Variants in ZFP91 observed in about 807,000 individuals in gnomAD.
The protein encoded by ZFP91 is E3 ubiquitin-protein ligase ZFP91.
In ZFP91, 7 loss-of-function variants were observed where a neutral mutation model predicts 63.5. The ratio of observed to expected loss-of-function variants is 0.11; its 90% confidence interval spans 0.06 to 0.21. ZFP91 has a LOEUF of 0.21. Ranked by LOEUF, ZFP91 falls within the 10% of genes least tolerant of loss-of-function variation. The pLI is 1.00. For missense variants in ZFP91, 628 were observed against 736.6 expected, an observed-to-expected ratio of 0.85 and a Z score of 1.71; for synonymous variants, 330 against 272.1, an observed-to-expected ratio of 1.21 and a Z score of -2.10.
At chr11:58,612,502 C>A in intron 7 of ZFP91, 174 bp downstream of exon 7, 1 of 662,620 alleles carries the variant, frequency 1.5e-6, no homozygotes, top group Non-Finnish European at 2.6e-6. Flanking sequence ...ATTGTAAGAG[C>A]TTGAAATTTC....
At chr11:58,608,141 A>G (rs955603351) in intron 2 of ZFP91, among the ~76,000 whole-genome samples, 2 of 151,902 alleles carry the variant, frequency 1.3e-5, no homozygotes, top group Admixed American at 6.5e-5. Flanking sequence ...GTAGAAGAGT[A>G]GACAACTAAA....
chr11:58,595,838 A>G (rs772790426), intron 2 of ZFP91, among the ~76,000 whole-genome samples: 9 of 152,088 alleles, frequency 5.9e-5, no homozygotes, highest in Non-Finnish European at 4.4e-5. Flanking sequence ...CCACCTCCCA[A>G]AGTGCTGGGT....
intron 9 of ZFP91, among the ~76,000 whole-genome samples, chr11:58,615,564 C>T (rs1021282143): frequency 1.3e-5 from 2 of 152,040 alleles, no homozygotes; most frequent in Admixed American, 1.3e-4. Context: ...AATAGATGCC[C>T]CACACAGGTT....
chr11:58,608,589 C>CTTTG (rs1855606114), intron 2 of ZFP91, among the ~76,000 whole-genome samples: 1 of 151,856 alleles, frequency 6.6e-6, no homozygotes, highest in Admixed American at 6.6e-5. Context: ...GTGGATTGAG[C>CTTTG]TTTGAGCTTT....
At chr11:58,591,481 A>G (rs898219957) in intron 2 of ZFP91, among the ~76,000 whole-genome samples, 4 of 151,558 alleles carry the variant, frequency 2.6e-5, no homozygotes, top group Non-Finnish European at 5.9e-5. Flanking sequence ...ACCCATTTCA[A>G]ATGTACAATT....
intron 2 of ZFP91, among the ~76,000 whole-genome samples, chr11:58,606,854 T>G (rs1855577628): frequency 6.6e-6 from 1 of 152,196 alleles, no homozygotes; most frequent in South Asian, 2.1e-4. Context: ...GTTAAGAGTT[T>G]CCACAAAGTT....
chr11:58,616,488 C>T (rs1855750542), intron 9 of ZFP91, among the ~76,000 whole-genome samples: 1 of 151,218 alleles, frequency 6.6e-6, no homozygotes, highest in Non-Finnish European at 1.5e-5. Flanking sequence ...TCTAGTTTTT[C>T]TGTTTGTTTT....
intron 8 of ZFP91, 40 bp downstream of exon 8, chr11:58,612,880 T>C (rs2509923): frequency 6.4e-7 from 1 of 1,552,464 alleles, no homozygotes; most frequent in Non-Finnish European, 8.8e-7. Flanking sequence ...CAGGTTGTGT[T>C]CCATTACTTG....
chr11:58,584,846 T>C lies in ZFP91; in HGVS notation c.342-10T>C. On this transcript the variant is annotated splice_polypyrimidine_tract_variant and intron_variant, in intron 1 of 10. Transcript: ENST00000316059. Reference sequence around the variant, plus strand: ...ATTGTTCATTAATGTTTGATTCTTATTTCTTTCAGATGCATAGAAAAAGTA... The same window carrying C: ...ATTGTTCATTAATGTTTGATTCTTACTTCTTTCAGATGCATAGAAAAAGTA... 6.5e-7 allele frequency: 1 copy of C among 1,534,892 alleles called. No individual in the cohort carries two copies. The highest frequency in any genetic ancestry group is 1.3e-5 in the South Asian group (1 of 76,110).
chr11:58,608,136 A>G (rs1479068499), intron 2 of ZFP91, among the ~76,000 whole-genome samples: 2 of 151,860 alleles, frequency 1.3e-5, no homozygotes, highest in African/African-American at 2.4e-5. Context: ...AAGTAGTAGA[A>G]GAGTAGACAA....
Position 58,619,187 on chromosome 11 carries a change from A to T in ZFP91, c.*1481A>T, listed in dbSNP as rs1452314079. 1 of 153,028 alleles carries T rather than the reference A, an allele frequency of 6.5e-6. No homozygotes were observed. The highest frequency in any genetic ancestry group is 2.4e-5 in the African/African-American group (1 of 41,464). The allele number at this position is 153,028 out of a possible 1,614,324, so 9.5% of individuals were successfully genotyped here. On this transcript the variant is annotated 3_prime_UTR_variant, in exon 11 of 11. Transcript: ENST00000316059. ...AGGAAAAACTTCAATAGCCAAAGTT[A>T]ATAATCCTATATAATAATTGCTTTG...
Position 58,614,291 on chromosome 11 carries a change from A to T in ZFP91, c.1050A>T (p.Gly350=). The T allele has an allele frequency of 6.2e-7, 1 of 1,612,364 alleles. No homozygotes were observed. The highest frequency in any genetic ancestry group is 8.5e-7 in the Non-Finnish European group (1 of 1,179,070). The change falls in exon 9 of 11, where the codon GGA becomes GGT. Residue 350 remains glycine, a synonymous_variant. Transcript: ENST00000316059. Reference sequence around the variant, plus strand: ...ATGTATGTCCCCATCCCTCCTGTGGACGACTCTTCAGGCTTCAGAAGCAAC... The same window carrying T: ...ATGTATGTCCCCATCCCTCCTGTGGTCGACTCTTCAGGCTTCAGAAGCAAC... ...KKYVCPHPSC[G]RLFRLQKQLL...
At chr11:58,583,915 A>T (rs190449294) in intron 1 of ZFP91, among the ~76,000 whole-genome samples, 40 of 152,078 alleles carry the variant, frequency 2.6e-4, no homozygotes, top group Admixed American at 2.6e-3. Flanking sequence ...TACTTTTGGG[A>T]GGAGCAACAA....
chr11:58,611,424 C>G (rs1296409464), intron 5 of ZFP91, 180 bp from the exon 6 acceptor site: 3 of 783,562 alleles, frequency 3.8e-6, no homozygotes, highest in Middle Eastern at 4.1e-4. Context: ...CCATGAGCAA[C>G]ATATACATAT....
chr11:58,585,176 G>C (rs1855184932), intron 2 of ZFP91, among the ~76,000 whole-genome samples: 1 of 152,106 alleles, frequency 6.6e-6, no homozygotes, highest in South Asian at 2.1e-4. Context: ...ACAGTATACA[G>C]AGTAAAGTGA....
intron 2 of ZFP91, among the ~76,000 whole-genome samples, chr11:58,605,955 A>T (rs1484979724): frequency 6.6e-6 from 1 of 151,666 alleles, no homozygotes; most frequent in East Asian, 1.9e-4. Context: ...ATACTGGATC[A>T]TCTCTGTTGG....
In ZFP91 at chr11:58,614,215, T is replaced by C. The variant is rs2134423181; in HGVS notation, c.988-14T>C. On this transcript the variant is annotated splice_polypyrimidine_tract_variant and intron_variant, in intron 8 of 10. Coordinates refer to ENST00000316059, the MANE Select transcript of ZFP91 (RefSeq NM_053023.5). ...ATTTTTTTTTTTTCGCCCCTTTCACTTTCTCTGTTTTAGCACCACATTAAA... is the reference window on the plus strand; with the variant it reads ...ATTTTTTTTTTTTCGCCCCTTTCACCTTCTCTGTTTTAGCACCACATTAAA... 1 of 1,533,704 alleles carries C rather than the reference T, an allele frequency of 6.5e-7. No individual in the cohort carries two copies. The highest frequency in any genetic ancestry group is 8.8e-7 in the Non-Finnish European group (1 of 1,133,324).
At chr11:58,585,993 ATTTT>A (rs796591750) in intron 2 of ZFP91, among the ~76,000 whole-genome samples, 2 of 143,446 alleles carry the variant, frequency 1.4e-5, no homozygotes, top group Non-Finnish European at 3.1e-5. Context: ...CATACCTGGC[ATTTT>A]TTTTTTTTTA....
chr11:58,584,586 A>G (rs900756889), intron 1 of ZFP91, among the ~76,000 whole-genome samples: 4 of 152,152 alleles, frequency 2.6e-5, no homozygotes, highest in African/African-American at 9.6e-5. Context: ...GCTGTCAGTT[A>G]TGTAGCCACA....
Sources: gnomAD v4.1 joint callset for allele counts (sites outside exome capture counted in the v4.1 genomes callset) on GRCh38, gnomAD v4.1.1 for gene constraint, MANE v1.5 for transcripts, NCBI Gene and HGNC (gene_info 2026-07-23, HGNC 2026-07-21) for gene names.